EIF2B4: variants seen among roughly 807,000 people sequenced by gnomAD.
EIF2B4 encodes the protein translation initiation factor eIF2B subunit delta.
EIF2B4 carries 34 observed loss-of-function variants against 66.7 expected under a neutral mutation model. That is an observed-to-expected ratio of 0.51 (90% CI 0.39 to 0.68). The LOEUF is 0.68. Ranked by LOEUF, EIF2B4 falls within the 30% of genes least tolerant of loss-of-function variation. The probability of loss-of-function intolerance (pLI) is 0.00; values close to 1 mark genes in which losing one functional copy is unlikely to be tolerated. For missense variants in EIF2B4, 618 were observed against 657.9 expected (o/e 0.94, Z 0.66); for synonymous variants, 278 against 253.6 (o/e 1.10, Z -0.92).
intron 1 of EIF2B4, 123 bp from the exon 2 acceptor site, chr2:27,370,042 C>T: frequency 6.6e-7 from 1 of 1,509,636 alleles, no homozygotes; most frequent in Non-Finnish European, 8.9e-7. Context: ...AGGCGCGAGG[C>T]GAGCCAGGGA....
intron 11 of EIF2B4, chr2:27,365,976 G>T (rs1470419040): frequency 6.5e-6 from 1 of 152,852 alleles, no homozygotes; most frequent in Non-Finnish European, 1.5e-5. Context: ...CTGGGCTCAA[G>T]CAGTCCTCTC....
Position 27,369,003 on chromosome 2 carries a change from T to A in EIF2B4, c.418+3A>T. The A allele has an allele frequency of 6.2e-7, 1 of 1,614,020 alleles. No individual in the cohort carries two copies. The highest frequency in any genetic ancestry group is 8.5e-7 in the Non-Finnish European group (1 of 1,179,962). On this transcript the variant is annotated splice_donor_region_variant and intron_variant, in intron 4 of 12. Transcript: ENST00000347454. Reference sequence around the variant, plus strand: ...GGGAGGTCTTAAAATGAAGGGAAGATACCTGAGGGGGTTTCTCCAGCTGTG... The same window carrying A: ...GGGAGGTCTTAAAATGAAGGGAAGAAACCTGAGGGGGTTTCTCCAGCTGTG...
In EIF2B4 at chr2:27,369,761, C is replaced by T. The variant is rs749289516; in HGVS notation, c.75+115G>A. ...TAGGGTTGCAAGACCTCTGTAAAAT[C>T]TCCTGGCTTTACTGAGAAATAAACC... is the stretch of plus-strand genomic sequence containing the variant. On this transcript the variant is annotated intron_variant, in intron 2 of 12. Coordinates refer to ENST00000347454, the MANE Select transcript of EIF2B4 (RefSeq NM_001034116.2). The T allele has an allele frequency of 1.2e-4, 181 of 1,467,594 alleles. 3 individuals are homozygous for T. In the Middle Eastern group the frequency reaches 2.1e-3, roughly 17 times the overall value. 90.9% of individuals were successfully genotyped at this position (1,467,594 alleles called of 1,614,324 possible).
intron 4 of EIF2B4, 54 bp downstream of exon 4, chr2:27,368,952 T>A (rs1682095512): frequency 6.2e-7 from 1 of 1,604,402 alleles, no homozygotes; most frequent in Non-Finnish European, 8.5e-7. Context: ...TTGGGCAGCC[T>A]GAGCTGGCGT....
intron 11 of EIF2B4, chr2:27,366,239 TG>T (rs1681859808): frequency 5.1e-6 from 1 of 196,226 alleles, no homozygotes; most frequent in African/African-American, 2.4e-5. Context: ...TGTGTGTGTG[TG>T]TGTGTGTGTG....
chr2:27,369,669 C>G lies in EIF2B4; in HGVS notation c.76-120G>C, dbSNP rs976877541. On this transcript the variant is annotated intron_variant, in intron 2 of 12. Transcript: ENST00000347454. ...CCTAGTTCTTCCTAACTTCCACAAG[C>G]TACCTGTTGCAAGCTTACATCCACA... 13 of 1,556,114 alleles carry G rather than the reference C, an allele frequency of 8.4e-6. No individual in the cohort carries two copies. The African/African-American group carries it at 1.4e-4, about 16-fold the overall frequency.
Position 27,367,157 on chromosome 2 carries a change from C to T in EIF2B4, c.930G>A (p.Glu310=), listed in dbSNP as rs373520608. 197 of 1,614,206 alleles carry T rather than the reference C, an allele frequency of 1.2e-4. 3 individuals carry two copies. In the South Asian group the frequency reaches 1.9e-3, roughly 15 times the overall value. The change falls in exon 10 of 13, where the codon GAG becomes GAA. Residue 310 remains glutamate, a synonymous_variant. Transcript: ENST00000347454. ...TTGCCTGAGCTGCTAGCACAATCTTCTCTTGCACATACCGATCAATGGCTG... is the reference window on the plus strand; with the variant it reads ...TTGCCTGAGCTGCTAGCACAATCTTTTCTTGCACATACCGATCAATGGCTG... ...LRAAIDRYVQ[E]KIVLAAQAIS...
intron 1 of EIF2B4, 132 bp downstream of exon 1, chr2:27,370,152 G>C: frequency 1.3e-6 from 2 of 1,542,132 alleles, no homozygotes; most frequent in Non-Finnish European, 1.7e-6. Flanking sequence ...CTGCGCTCGA[G>C]ACTGTGTAGA....
In EIF2B4 at chr2:27,368,482, C is replaced by T. The variant is rs1334333230; in HGVS notation, c.499-19G>A. On this transcript the variant is annotated intron_variant, in intron 5 of 12. Coordinates refer to ENST00000347454, the MANE Select transcript of EIF2B4 (RefSeq NM_001034116.2). ...TAGGAACCTTGACAAAACAAGGGAA[C>T]AGGACCAATGGCCCAGAGTTTAAAA... 3 of 1,604,546 alleles carry T rather than the reference C, an allele frequency of 1.9e-6. No homozygotes were observed. Among genetic ancestry groups the T allele is most frequent in the Admixed American group, 1.7e-5 (1 of 59,984 alleles).
At chr2:27,369,257 T>C (rs779122247) in intron 3 of EIF2B4, 45 bp from the exon 4 acceptor site, 2 of 1,606,034 alleles carry the variant, frequency 1.2e-6, no homozygotes, top group Non-Finnish European at 1.7e-6. Context: ...AGGCAGGTGA[T>C]ATCCGTGCCC....
Position 27,364,833 on chromosome 2 carries a change from C to T in EIF2B4, c.1257G>A (p.Gly419=), listed in dbSNP as rs1219836661. Reference sequence around the variant, plus strand: ...GAGCCACCAGGGCTAACTGTGCTGTCCCTACCCGTGACATCACAGACCCGT... The same window carrying T: ...GAGCCACCAGGGCTAACTGTGCTGTTCCTACCCGTGACATCACAGACCCGT... The part of the protein sequence containing the change: ...LANGSVMSRV[G]TAQLALVARA... Residue 419 remains glycine, a synonymous_variant, in exon 12 of 13, where the codon GGG becomes GGA. Coordinates refer to ENST00000347454, the MANE Select transcript of EIF2B4 (RefSeq NM_001034116.2). The T allele has an allele frequency of 6.2e-7, 1 of 1,614,166 alleles. No homozygotes were observed.
rs79601749 is a variant in EIF2B4, at chr2:27,369,224, A to T, written c.212-12T>A. On this transcript the variant is annotated splice_polypyrimidine_tract_variant and intron_variant, in intron 3 of 12. Coordinates refer to ENST00000347454, the MANE Select transcript of EIF2B4 (RefSeq NM_001034116.2). ...TCTGGTTGGGCCTACTAAAAGCATT[A>T]AAAAAAAAAATGCCCAAGCTGCAGG... The T allele has an allele frequency of 8.3e-6, 5 of 602,310 alleles. No individual in the cohort carries two copies. The highest frequency in any genetic ancestry group is 1.2e-5 in the Non-Finnish European group (5 of 433,468). 37.3% of individuals were successfully genotyped at this position (602,310 alleles called of 1,614,324 possible). A position where few individuals can be genotyped will look rare whatever the true frequency, so the allele number is the denominator to read the frequency against.
chr2:27,369,327 A>G (rs1258415139), intron 3 of EIF2B4, 87 bp downstream of exon 3: 4 of 1,610,322 alleles, frequency 2.5e-6, no homozygotes. Flanking sequence ...GCTCAAATCA[A>G]CTTTGTCCTG....
chr2:27,370,337 C>T lies in EIF2B4; in HGVS notation c.-23G>A, dbSNP rs1035101547. ...CATCGCCCTCAGTCCTAGGCTCCGC[C>T]CGCCGTGGTCACGGAGCCGCCCCGC... On this transcript the variant is annotated 5_prime_UTR_variant, in exon 1 of 13. Transcript: ENST00000347454. 1 of 1,542,198 alleles carries T rather than the reference C, an allele frequency of 6.5e-7. No individual in the cohort carries two copies. The highest frequency in any genetic ancestry group is 1.4e-5 in the African/African-American group (1 of 73,188).
rs771240893 is a variant in EIF2B4, at chr2:27,366,811, C to T, written c.1139G>A (p.Gly380Asp). The stretch of plus-strand genomic sequence containing the variant: ...AATCAGCAGGTAGGAGGCTGGGACA[C>T]CAGCATGGACTAGAGAACGTAGTGT... ...RHTLRSLVHA[G>D]VPASYLLIPA... The change falls in exon 11 of 13, where the codon GGT becomes GAT. Residue 380 changes from glycine to aspartate, a missense_variant. This residue lies in a region of EIF2B4 where 506 missense variants were observed against 511.9 expected (regional missense o/e 0.99). Transcript: ENST00000347454. The T allele has an allele frequency of 6.2e-7, 1 of 1,614,212 alleles. No individual in the cohort carries two copies. The highest frequency in any genetic ancestry group is 1.7e-5 in the Admixed American group (1 of 60,022).
At chr2:27,365,129 TCA>T in intron 11 of EIF2B4, 1 of 465,464 alleles carries the variant, frequency 2.1e-6, no homozygotes, top group Non-Finnish European at 3.9e-6. Context: ...CGATCTCGGC[TCA>T]CCACAACCTC....
At position 27,367,137 on chromosome 2, in the gene EIF2B4, T is replaced by C; in HGVS notation, c.950A>G (p.Gln317Arg). The change falls in exon 10 of 13, where the codon CAG becomes CGG. Residue 317 changes from glutamine (Q) to arginine (R), a missense_variant. Physicochemically the swap from Gln to Arg is conservative, Grantham distance 43 (BLOSUM62 1). This residue lies in a region of EIF2B4 where 506 missense variants were observed against 511.9 expected (regional missense o/e 0.99). Coordinates refer to ENST00000347454, the MANE Select transcript of EIF2B4 (RefSeq NM_001034116.2). ...CTGGTAAGCAAAGCGTGAAATTGCCTGAGCTGCTAGCACAATCTTCTCTTG... is the reference window on the plus strand; with the variant it reads ...CTGGTAAGCAAAGCGTGAAATTGCCCGAGCTGCTAGCACAATCTTCTCTTG... ...YVQEKIVLAA[Q>R]AISRFAYQKI... is the part of the protein sequence containing the mutation. 1 of 1,614,242 alleles carries C rather than the reference T, an allele frequency of 6.2e-7. No homozygotes were observed. The highest frequency in any genetic ancestry group is 8.5e-7 in the Non-Finnish European group (1 of 1,180,044).
chr2:27,368,000 T>C lies in EIF2B4; in HGVS notation c.705+25A>G, dbSNP rs2148375743. On this transcript the variant is annotated intron_variant, in intron 7 of 12. Transcript: ENST00000347454. ...TATTGGGGGAGGTGGGGTTGGATCA[T>C]AAGAGAGAACAGGATGGGACATACC... The C allele has an allele frequency of 3.8e-6, 6 of 1,559,468 alleles. No homozygotes were observed. In the Middle Eastern group the frequency reaches 5.0e-4, roughly 130 times the overall value.
chr2:27,364,921 GA>G, intron 11 of EIF2B4, 23 bp from the exon 12 acceptor site: 2 of 1,611,454 alleles, frequency 1.2e-6, no homozygotes, highest in Non-Finnish European at 1.7e-6. Context: ...AGAAGAGGAA[GA>G]AAAAAATGTC....
Sources: allele counts gnomAD v4.1 joint callset, GRCh38; gene constraint gnomAD v4.1.1; regional missense constraint gnomAD v4.1.1; transcripts MANE v1.5; gene names NCBI Gene and HGNC (gene_info 2026-07-23, HGNC 2026-07-21).